The following LMBR1 variants were observed in gnomAD, a reference collection of about 807,000 sequenced individuals.
The protein encoded by LMBR1 is limb region 1 protein homolog.
Under a neutral mutation model 73.9 loss-of-function variants are expected in LMBR1, and 52 were observed. That is an observed-to-expected ratio of 0.70 (90% CI 0.56 to 0.89). LMBR1 has a LOEUF of 0.89. LMBR1 is among the 40% of genes least tolerant of loss of function. LMBR1 has a pLI of 0.00. For missense variants in LMBR1, 539 were observed against 579.8 expected (o/e 0.93, Z 0.72); for synonymous variants, 215 against 209.4 (o/e 1.03, Z -0.23).
intron 1 of LMBR1, among the ~76,000 whole-genome samples, chr7:156,867,943 C>CA (rs996343718): frequency 1.0e-4 from 15 of 150,028 alleles, no homozygotes; most frequent in African/African-American, 1.5e-4. Context: ...AAAACTGTTT[C>CA]AAAAAAAAAG....
At chr7:156,762,243 GC>G in intron 7 of LMBR1, 45 bp from the exon 8 acceptor site, 1 of 1,262,678 alleles carries the variant, frequency 7.9e-7, no homozygotes, top group East Asian at 2.3e-5. Flanking sequence ...ACATTATAGA[GC>G]TTGGAGAAAG....
chr7:156,689,289 T>G (rs1806650812), intron 15 of LMBR1, among the ~76,000 whole-genome samples: 1 of 152,142 alleles, frequency 6.6e-6, no homozygotes, highest in Non-Finnish European at 1.5e-5. Context: ...CATATAAAAT[T>G]TAAACTACAA....
Position 156,669,421 on chromosome 7 carries a change from G to A in LMBR1, n.867-134C>T, listed in dbSNP as rs1192308648. On this transcript the variant is annotated intron_variant and non_coding_transcript_variant, in intron 4 of 4. Transcript: ENST00000430825. The surrounding 1 kb of genome is among the most constrained non-coding windows in gnomAD (Gnocchi z 4.2). ...TGTTTGAAATAAGGTGGAAATGTCT[G>A]AGGAGATGCACCCTGAACCCAAATG... 1.3e-5 allele frequency: 2 copies of A among 152,316 alleles called. No individual in the cohort carries two copies. The highest frequency in any genetic ancestry group is 6.5e-5 in the Admixed American group (1 of 15,292). The allele number at this position is 152,316 out of a possible 1,614,324, so 9.4% of individuals were successfully genotyped here.
chr7:156,773,528 G>A (rs1287072247), intron 5 of LMBR1, among the ~76,000 whole-genome samples: 1 of 151,526 alleles, frequency 6.6e-6, no homozygotes. Flanking sequence ...ATCAATAGAG[G>A]GCCCAGAAAT....
chr7:156,870,420 C>T (rs1247112083), intron 1 of LMBR1, among the ~76,000 whole-genome samples: 2 of 152,108 alleles, frequency 1.3e-5, no homozygotes, highest in African/African-American at 4.8e-5. Flanking sequence ...GAAAAGTAAA[C>T]ACCACATTCT....
Position 156,836,726 on chromosome 7 carries a change from C to T in LMBR1, c.139+87G>A, listed in dbSNP as rs943015988. 11 of 794,322 alleles carry T rather than the reference C, an allele frequency of 1.4e-5. No homozygotes were observed. The Admixed American group carries it at 1.6e-4, about 11-fold the overall frequency. The allele number at this position is 794,322 out of a possible 1,614,324, so 49.2% of individuals were successfully genotyped here. Reference sequence around the variant, plus strand: ...CACCGGCATATTCAATACACTATGACACTGAAGTGTACTAATATATCTTAT... The same window carrying T: ...CACCGGCATATTCAATACACTATGATACTGAAGTGTACTAATATATCTTAT... On this transcript the variant is annotated intron_variant, in intron 2 of 16. Transcript: ENST00000353442.
chr7:156,689,525 C>G (rs1262520978), intron 15 of LMBR1, among the ~76,000 whole-genome samples: 2 of 152,066 alleles, frequency 1.3e-5, no homozygotes, highest in African/African-American at 4.8e-5. Flanking sequence ...CTTAGAGAGA[C>G]AACAGAAAAA....
chr7:156,874,266 C>T (rs909388212), intron 1 of LMBR1, among the ~76,000 whole-genome samples: 1 of 152,242 alleles, frequency 6.6e-6, no homozygotes, highest in Non-Finnish European at 1.5e-5. Context: ...CCTCATTGCC[C>T]GGGGCCAGCA....
At chr7:156,708,450 A>G (rs1000743465) in intron 15 of LMBR1, among the ~76,000 whole-genome samples, 3 of 152,032 alleles carry the variant, frequency 2.0e-5, no homozygotes, top group Non-Finnish European at 4.4e-5. Flanking sequence ...ACAAAAAATA[A>G]AAGCAGCATC....
intron 10 of LMBR1, among the ~76,000 whole-genome samples, chr7:156,730,195 G>C (rs1455489315): frequency 6.6e-6 from 1 of 152,156 alleles, no homozygotes; most frequent in African/African-American, 2.4e-5. Context: ...GAAAAGAAAA[G>C]GGCAAAGAAG....
intron 15 of LMBR1, among the ~76,000 whole-genome samples, chr7:156,712,684 A>G (rs1812327931): frequency 6.6e-6 from 1 of 152,234 alleles, no homozygotes; most frequent in African/African-American, 2.4e-5. Flanking sequence ...ATTCAGCCAG[A>G]GCAAAGAATG....
chr7:156,695,517 A>G (rs1438797443), intron 15 of LMBR1, among the ~76,000 whole-genome samples: 1 of 152,120 alleles, frequency 6.6e-6, no homozygotes, highest in Non-Finnish European at 1.5e-5. Flanking sequence ...CACATCTTAC[A>G]TGGCCGGTGC....
Position 156,892,935 on chromosome 7 carries a change from T to G in LMBR1, c.59A>C (p.Glu20Ala), listed in dbSNP as rs1803441530. Reference sequence around the variant, plus strand: ...GCCTCGGTCCCCACGCACCGTGGACTCCCGCACTTGGCTGTGGAAGTGCTG... The same window carrying G: ...GCCTCGGTCCCCACGCACCGTGGACGCCCGCACTTGGCTGTGGAAGTGCTG... ...REQHFHSQVRESTICFLLFAI... is the reference protein window; with the variant it reads ...REQHFHSQVRASTICFLLFAI... The change falls in exon 1 of 17, where the codon GAG (glutamate) becomes GCG (alanine). Residue 20 changes from glutamate to alanine, a missense_variant. Transcript: ENST00000353442. 1 of 1,536,892 alleles carries G rather than the reference T, an allele frequency of 6.5e-7. No individual in the cohort carries two copies. Among genetic ancestry groups the G allele is most frequent in the East Asian group, 2.7e-5 (1 of 36,610 alleles).
intron 8 of LMBR1, among the ~76,000 whole-genome samples, chr7:156,760,768 T>C (rs996815525): frequency 7.9e-5 from 12 of 152,298 alleles, no homozygotes; most frequent in African/African-American, 2.6e-4. Context: ...TATAAAAATA[T>C]TATGATTTTC....
At chr7:156,694,566 T>A (rs1807886054) in intron 15 of LMBR1, among the ~76,000 whole-genome samples, 1 of 152,220 alleles carries the variant, frequency 6.6e-6, no homozygotes, top group Non-Finnish European at 1.5e-5. Flanking sequence ...CTTGAAGTCC[T>A]AGCCAGAGCA....
Position 156,669,509 on chromosome 7 carries a change from G to A in LMBR1, n.867-222C>T, listed in dbSNP as rs1212853037. Among the ~76,000 whole-genome samples the A allele has an allele frequency of 1.3e-5, 2 of 152,182 alleles. No individual in the cohort carries two copies. Among genetic ancestry groups the A allele is most frequent in the Non-Finnish European group, 2.9e-5 (2 of 68,028 alleles). On this transcript the variant is annotated intron_variant and non_coding_transcript_variant, in intron 4 of 4. Transcript: ENST00000430825. The surrounding 1 kb of genome is among the most constrained non-coding windows in gnomAD (Gnocchi z 4.2). ...AGAGGGCAGCACGGCTTAGCATGTGGGAGGGGCAGGCTGGCAGAGTGTGAG... is the reference window on the plus strand; with the variant it reads ...AGAGGGCAGCACGGCTTAGCATGTGAGAGGGGCAGGCTGGCAGAGTGTGAG...
intron 5 of LMBR1, among the ~76,000 whole-genome samples, chr7:156,767,697 T>G (rs1180964840): frequency 6.6e-6 from 1 of 151,750 alleles, no homozygotes; most frequent in Non-Finnish European, 1.5e-5. Flanking sequence ...ATAGTTAATA[T>G]AGTAAAAAAC....
chr7:156,805,957 C>T (rs1391081873), intron 4 of LMBR1, among the ~76,000 whole-genome samples: 1 of 152,184 alleles, frequency 6.6e-6, no homozygotes, highest in African/African-American at 2.4e-5. Context: ...AGACAACCAT[C>T]CGTGAGCCAA....
At chr7:156,689,632 G>C (rs1806741541) in intron 15 of LMBR1, among the ~76,000 whole-genome samples, 1 of 152,082 alleles carries the variant, frequency 6.6e-6, no homozygotes, top group African/African-American at 2.4e-5. Context: ...TTAAAAGACA[G>C]TAATATACCA....
Sources: gnomAD v4.1 joint callset for allele counts (sites outside exome capture counted in the v4.1 genomes callset) on GRCh38, gnomAD v4.1.1 for gene constraint, Gnocchi (gnomAD v3.1) non-coding constraint, MANE v1.5 for transcripts, NCBI Gene and HGNC (gene_info 2026-07-23, HGNC 2026-07-21) for gene names.